CYTH3: variants seen among roughly 807,000 people sequenced by gnomAD.
CYTH3 encodes cytohesin-3.
A neutral mutation model predicts 55.1 loss-of-function variants in CYTH3; 23 were observed. The ratio of observed to expected loss-of-function variants is 0.42; its 90% CI spans 0.30 to 0.59. The LOEUF (loss-of-function observed/expected upper bound fraction) is 0.59. CYTH3 is among the 20% of genes least tolerant of loss of function. The pLI, the probability that CYTH3 is intolerant of heterozygous loss-of-function variation, is 0.20. For missense variants in CYTH3, 413 were observed against 524.8 expected (o/e 0.79, Z 2.08); for synonymous variants, 249 against 194.9 (o/e 1.28, Z -2.31).
rs889519239 is a variant in CYTH3 at position 6,187,515 on chromosome 7, T to G, written c.182+142A>C. The G allele has an allele frequency of 1.3e-5, 10 of 744,864 alleles. No homozygotes were observed. In the African/African-American group the frequency reaches 1.6e-4, roughly 12 times the overall value. 46.1% of individuals were successfully genotyped at this position (744,864 alleles called of 1,614,324 possible). On this transcript the variant is annotated intron_variant, in intron 3 of 12. Coordinates refer to ENST00000350796, the MANE Select transcript of CYTH3 (RefSeq NM_004227.4). ...CACCCCTGGACCCCTCCACGCAGAG[T>G]AGGGGGAGAGGAGAGGAATTAACAA...
intron 1 of CYTH3, among the ~76,000 whole-genome samples, chr7:6,214,629 C>G (rs1358008515): frequency 1.3e-5 from 2 of 152,090 alleles, no homozygotes; most frequent in South Asian, 4.1e-4. Flanking sequence ...GACCTCAGAA[C>G]AAAACAAACT....
intron 1 of CYTH3, among the ~76,000 whole-genome samples, chr7:6,256,570 G>A (rs1408085823): frequency 3.3e-5 from 5 of 152,232 alleles, no homozygotes; most frequent in Non-Finnish European, 7.3e-5. Flanking sequence ...TGCAAAGAGA[G>A]AAGCCCCCAG....
chr7:6,199,465 T>C (rs994973278), intron 1 of CYTH3, among the ~76,000 whole-genome samples: 3 of 152,048 alleles, frequency 2.0e-5, no homozygotes, highest in Non-Finnish European at 4.4e-5. Context: ...CTGGGCAACA[T>C]AGCAAGAACC....
Position 6,165,013 on chromosome 7 carries a change from G to A in CYTH3, c.1131C>T (p.Ala377=). 2 of 1,614,160 alleles carry A rather than the reference G, an allele frequency of 1.2e-6. No homozygotes were observed. Among genetic ancestry groups the A allele is most frequent in the Non-Finnish European group, 1.7e-6 (2 of 1,180,010 alleles). Reference sequence around the variant, plus strand: ...CATAGAAGGGATCTCTGCTGATACTGGCTCTGGTGAAAAAAGGAAAACACA... The same window carrying A: ...CATAGAAGGGATCTCTGCTGATACTAGCTCTGGTGAAAAAAGGAAAACACA... ...EKEEWMKSIK[A]SISRDPFYDM... Residue 377 remains alanine, a synonymous_variant, in exon 13 of 13, where the codon GCC becomes GCT. Coordinates refer to ENST00000350796, the MANE Select transcript of CYTH3 (RefSeq NM_004227.4).
chr7:6,218,484 T>C (rs1301601831), intron 1 of CYTH3, among the ~76,000 whole-genome samples: 2 of 152,198 alleles, frequency 1.3e-5, no homozygotes, highest in African/African-American at 4.8e-5. Flanking sequence ...TTCTTACTTC[T>C]AGAACAGTAC....
intron 1 of CYTH3, among the ~76,000 whole-genome samples, chr7:6,242,164 C>T (rs1272538689): frequency 6.6e-6 from 1 of 151,968 alleles, no homozygotes; most frequent in Non-Finnish European, 1.5e-5. Context: ...GCAAGCTCCA[C>T]CTCCCAGGTT....
intron 4 of CYTH3, among the ~76,000 whole-genome samples, chr7:6,181,066 G>A (rs1012356448): frequency 4.6e-5 from 7 of 152,072 alleles, no homozygotes; most frequent in African/African-American, 1.4e-4. Flanking sequence ...TCTCTTCAGT[G>A]ATTACTCTTA....
rs1455125767 is a variant in CYTH3 at position 6,272,564 on chromosome 7, C to A, written c.-57G>T. 21 of 1,172,300 alleles carry A rather than the reference C, an allele frequency of 1.8e-5. No homozygotes were observed. The highest frequency in any genetic ancestry group is 4.9e-5 in the East Asian group (1 of 20,214). 72.6% of individuals were successfully genotyped at this position (1,172,300 alleles called of 1,614,324 possible). On this transcript the variant is annotated 5_prime_UTR_variant, in exon 1 of 13. Coordinates refer to ENST00000350796, the MANE Select transcript of CYTH3 (RefSeq NM_004227.4). Reference sequence around the variant, plus strand: ...GGGCCGGCAGCAGAGGGGCCGCGGGCTGGGGACGCCGCCGGAGGGAGCGCG... The same window carrying A: ...GGGCCGGCAGCAGAGGGGCCGCGGGATGGGGACGCCGCCGGAGGGAGCGCG...
chr7:6,234,079 G>C (rs949634366), intron 1 of CYTH3, among the ~76,000 whole-genome samples: 6 of 152,224 alleles, frequency 3.9e-5, no homozygotes, highest in African/African-American at 1.4e-4. Flanking sequence ...TTTAACAGGA[G>C]TTTTGGAGTA....
At chr7:6,253,844 G>C (rs1339347201) in intron 1 of CYTH3, among the ~76,000 whole-genome samples, 3 of 142,766 alleles carry the variant, frequency 2.1e-5, no homozygotes, top group Non-Finnish European at 4.6e-5. Flanking sequence ...ATAAACAAAA[G>C]AGGCCAGGTG....
At chr7:6,188,534 T>C (rs1379590335) in intron 2 of CYTH3, among the ~76,000 whole-genome samples, 3 of 151,460 alleles carry the variant, frequency 2.0e-5, no homozygotes, top group Non-Finnish European at 4.4e-5. Flanking sequence ...GAAGCTCAGG[T>C]GTGTTTAGGT....
intron 1 of CYTH3, among the ~76,000 whole-genome samples, chr7:6,256,217 T>A (rs1005039701): frequency 6.6e-6 from 1 of 152,220 alleles, no homozygotes; most frequent in Non-Finnish European, 1.5e-5. Flanking sequence ...TAAAACCGCC[T>A]ACAGCAAGTC....
At chr7:6,188,093 G>C (rs996516865) in intron 2 of CYTH3, among the ~76,000 whole-genome samples, 1 of 152,146 alleles carries the variant, frequency 6.6e-6, no homozygotes, top group Non-Finnish European at 1.5e-5. Flanking sequence ...TTGGGAGGTT[G>C]AAGCAGAGGG....
At chr7:6,206,095 C>A (rs894270728) in intron 1 of CYTH3, among the ~76,000 whole-genome samples, 6 of 152,082 alleles carry the variant, frequency 3.9e-5, no homozygotes, top group African/African-American at 1.4e-4. Context: ...TGCATTCCAG[C>A]AATTCCACTC....
chr7:6,241,381 C>T (rs1245111223), intron 1 of CYTH3, among the ~76,000 whole-genome samples: 1 of 152,156 alleles, frequency 6.6e-6, no homozygotes, highest in Non-Finnish European at 1.5e-5. Flanking sequence ...CCATTTCTGA[C>T]CCATCAGACT....
At chr7:6,254,942 T>C (rs899039140) in intron 1 of CYTH3, among the ~76,000 whole-genome samples, 2 of 152,214 alleles carry the variant, frequency 1.3e-5, no homozygotes, top group African/African-American at 4.8e-5. Context: ...GAAGAAAAGA[T>C]ATAATAATCA....
At chr7:6,184,037 C>A (rs1013410677) in intron 4 of CYTH3, among the ~76,000 whole-genome samples, 1 of 149,634 alleles carries the variant, frequency 6.7e-6, no homozygotes, top group Non-Finnish European at 1.5e-5. Flanking sequence ...TGTTTACGCA[C>A]CCCCTCTGTG....
At chr7:6,224,104 A>T (rs190225486) in intron 1 of CYTH3, among the ~76,000 whole-genome samples, 2,959 of 152,238 alleles carry the variant, frequency 0.019, 56 homozygotes, top group Non-Finnish European at 0.028. Context: ...GGTGGACTCA[A>T]ACTCTTGGAC....
chr7:6,214,299 A>T (rs757135137), intron 1 of CYTH3, among the ~76,000 whole-genome samples: 4 of 152,218 alleles, frequency 2.6e-5, no homozygotes, highest in African/African-American at 9.6e-5. Flanking sequence ...TTTTCATACT[A>T]AAATGTTGAA....
Sources: gnomAD v4.1 joint callset for allele counts (sites outside exome capture counted in the v4.1 genomes callset) on GRCh38, gnomAD v4.1.1 for gene constraint, MANE v1.5 for transcripts, NCBI Gene and HGNC (gene_info 2026-07-23, HGNC 2026-07-21) for gene names.